The following KCNA3 variants were observed in gnomAD, a reference collection of about 807,000 sequenced individuals.
The protein encoded by KCNA3 is RP11-284N8.3.
In KCNA3, 18 loss-of-function variants were observed where a neutral mutation model predicts 34.3. That is an observed-to-expected ratio of 0.52 (90% CI 0.36 to 0.78). KCNA3 has a LOEUF of 0.78. Among genes scored for constraint, KCNA3 ranks in the 30% least tolerant of loss-of-function variants. The pLI, the probability that KCNA3 is intolerant of heterozygous loss-of-function variation, is 0.00. For missense variants in KCNA3, 587 were observed against 802.5 expected, an observed-to-expected ratio of 0.73 and a Z score of 3.24; for synonymous variants, 324 against 351.7, an observed-to-expected ratio of 0.92 and a Z score of 0.88.
At chr1:110,665,131 G>A in the KCNA3 span, among the ~76,000 whole-genome samples, 1 of 152,202 alleles carries the variant, frequency 6.6e-6, no homozygotes, top group Non-Finnish European at 1.5e-5. Flanking sequence ...GTGAAATGGG[G>A]TGCCAAATGG....
chr1:110,667,485 G>C (rs75210252), downstream of KCNA3, among the ~76,000 whole-genome samples: 528 of 152,248 alleles, frequency 3.5e-3, 1 homozygote, highest in African/African-American at 0.012. Flanking sequence ...TCTTTAGATA[G>C]GATGAAATAT....
the KCNA3 span, among the ~76,000 whole-genome samples, chr1:110,661,166 T>C: frequency 6.6e-6 from 1 of 152,184 alleles, no homozygotes. Context: ...CTCCTGGTTT[T>C]AGCAGGCGCC....
downstream of KCNA3, among the ~76,000 whole-genome samples, chr1:110,668,874 A>G (rs1017636186): frequency 1.3e-5 from 2 of 152,178 alleles, no homozygotes; most frequent in African/African-American, 2.4e-5. Context: ...TCAACAGTGA[A>G]GGTTGTAGTT....
rs1256857793 is a variant in KCNA3, at chr1:110,674,325, T to A, written c.485A>T (p.Tyr162Phe). 1.9e-6 allele frequency: 3 copies of A among 1,613,754 alleles called. No individual in the cohort carries two copies. Among genetic ancestry groups the A allele is most frequent in the East Asian group, 4.5e-5 (2 of 44,868 alleles). Residue 162 changes from tyrosine to phenylalanine, a missense_variant, in exon 1 of 1, where the codon TAC (tyrosine) becomes TTC (phenylalanine). Around this residue, in one of 7 missense-constraint regions of KCNA3, gnomAD observed 341 missense variants for 355.4 expected, o/e 0.96. Transcript: ENST00000369769. This position sits in a 1 kb window ranked among gnomAD's most constrained non-coding sequence, Gnocchi z 6.4. ...GCGGATGCGGCCCCCGGACTGATAGTAGTAGAGGATGGCGTCGAAGCTGGG... is the reference window on the plus strand; with the variant it reads ...GCGGATGCGGCCCCCGGACTGATAGAAGTAGAGGATGGCGTCGAAGCTGGG... ...NRPSFDAILY[Y>F]YQSGGRIRRP...
chr1:110,663,845 A>G, the KCNA3 span, among the ~76,000 whole-genome samples: 5 of 152,210 alleles, frequency 3.3e-5, no homozygotes, highest in African/African-American at 1.2e-4. Flanking sequence ...CTTACTTTTC[A>G]TTAACTGATT....
At chr1:110,672,294 A>T (rs1047636253), downstream of KCNA3, among the ~76,000 whole-genome samples, 15 of 152,196 alleles carry the variant, frequency 9.9e-5, no homozygotes, top group Non-Finnish European at 2.1e-4. Context: ...TCTCAGATGC[A>T]TTAGGAAATT....
the KCNA3 span, among the ~76,000 whole-genome samples, chr1:110,661,176 C>A: frequency 6.6e-6 from 1 of 152,102 alleles, no homozygotes; most frequent in African/African-American, 2.4e-5. Flanking sequence ...TAGCAGGCGC[C>A]CAAAACCAGT....
Position 110,674,596 on chromosome 1 carries a change from C to A in KCNA3, c.214G>T (p.Ala72Ser), listed in dbSNP as rs533343837. Residue 72 changes from alanine (A) to serine (S), a missense_variant, in exon 1 of 1, where the codon GCC (alanine) becomes TCC (serine). Ala to Ser is a moderately conservative substitution (Grantham distance 99). Coordinates refer to ENST00000369769, the MANE Select transcript of KCNA3 (RefSeq NM_002232.5). This position sits in a 1 kb window ranked among gnomAD's most constrained non-coding sequence, Gnocchi z 6.4. The stretch of plus-strand genomic sequence containing the variant: ...CCGCCACAGCCGCCTTGAGGCGGGG[C>A]CCCTCCACCATCGGCCACCTCCGGC... ...LEPEVADGGG[A>S]PPQGGCGGGG... is the part of the protein sequence containing the mutation. 2 of 1,564,814 alleles carry A rather than the reference C, an allele frequency of 1.3e-6. No homozygotes were observed. The highest frequency in any genetic ancestry group is 1.9e-5 in the Admixed American group (1 of 53,874).
Position 110,674,208 on chromosome 1 carries a change from T to C in KCNA3, c.602A>G (p.Glu201Gly). ...EEAMEKFRED[E>G]GFLREEERPL... ...CCGCTCCTCCTCCCGCAGGAAGCCC[T>C]CGTCCTCGCGGAACTTCTCCATGGC... Residue 201 changes from glutamate to glycine, a missense_variant, in exon 1 of 1, where the codon GAG becomes GGG. Transcript: ENST00000369769. The surrounding 1 kb of genome is among the most constrained non-coding windows in gnomAD (Gnocchi z 6.4). The C allele has an allele frequency of 6.2e-7, 1 of 1,613,270 alleles. No individual in the cohort carries two copies. Among genetic ancestry groups the C allele is most frequent in the East Asian group, 2.2e-5 (1 of 44,840 alleles).
chr1:110,657,426 A>G, the KCNA3 span, among the ~76,000 whole-genome samples: 19,028 of 152,176 alleles, frequency 0.13, 1,325 homozygotes, highest in South Asian at 0.17. Context: ...CATTGAATCC[A>G]GCACGCCCAT....
chr1:110,674,381 G>A lies in KCNA3; in HGVS notation c.429C>T (p.Leu143=), dbSNP rs1427244647. 3 of 1,614,188 alleles carry A rather than the reference G, an allele frequency of 1.9e-6. No individual in the cohort carries two copies. Among genetic ancestry groups the A allele is most frequent in the Non-Finnish European group, 1.7e-6 (2 of 1,180,030 alleles). Residue 143 remains leucine (L), a synonymous_variant, in exon 1 of 1, where the codon CTC becomes CTT. Transcript: ENST00000369769. The surrounding 1 kb of genome is among the most constrained non-coding windows in gnomAD (Gnocchi z 6.4). ...TGCGGTCGAAGAAGTACTCGTTGCG[G>A]AGCGGGTCGAAGTACCTCATGCGCC... ...PKRRMRYFDP[L]RNEYFFDRNR... is the part of the protein sequence containing the mutation.
chr1:110,668,736 A>C (rs1330084468), downstream of KCNA3, among the ~76,000 whole-genome samples: 1 of 152,190 alleles, frequency 6.6e-6, no homozygotes, highest in Non-Finnish European at 1.5e-5. Context: ...CATCAGCTGT[A>C]AGGCATATAC....
At chr1:110,663,374 T>C in the KCNA3 span, among the ~76,000 whole-genome samples, 3 of 152,304 alleles carry the variant, frequency 2.0e-5, no homozygotes, top group East Asian at 1.9e-4. Context: ...GAGAAAGAGT[T>C]TCTAATTTCT....
chr1:110,655,993 C>CA, the KCNA3 span: 1 of 152,106 alleles, frequency 6.6e-6, no homozygotes, highest in Non-Finnish European at 1.5e-5. Context: ...AAATGAACTA[C>CA]AATATGGCTG....
the KCNA3 span, among the ~76,000 whole-genome samples, chr1:110,663,697 T>G: frequency 3.7e-4 from 56 of 152,176 alleles, no homozygotes; most frequent in Non-Finnish European, 6.3e-4. Flanking sequence ...CCATACTATA[T>G]GTGTTGGTAT....
the KCNA3 span, among the ~76,000 whole-genome samples, chr1:110,659,732 A>G: frequency 3.9e-4 from 60 of 152,238 alleles, no homozygotes; most frequent in African/African-American, 1.3e-3. Context: ...TGGCATATAT[A>G]CACCATGGAA....
Position 110,674,426 on chromosome 1 carries a change from C to G in KCNA3, c.384G>C (p.Thr128=). The change falls in exon 1 of 1, where the codon ACG becomes ACC. Residue 128 remains threonine (T), a synonymous_variant. Transcript: ENST00000369769. This position sits in a 1 kb window ranked among gnomAD's most constrained non-coding sequence, Gnocchi z 6.4. ...TGCGCCGCTTGGGGTCGCCCAGCAGCGTCTCGGGGAACTGGCAAAGGGTCT... is the reference window on the plus strand; with the variant it reads ...TGCGCCGCTTGGGGTCGCCCAGCAGGGTCTCGGGGAACTGGCAAAGGGTCT... The part of the protein sequence containing the change: ...QLKTLCQFPE[T]LLGDPKRRMR... The G allele has an allele frequency of 6.2e-7, 1 of 1,614,138 alleles. No homozygotes were observed. Among genetic ancestry groups the G allele is most frequent in the Non-Finnish European group, 8.5e-7 (1 of 1,180,002 alleles).
the KCNA3 span, chr1:110,656,322 T>G: frequency 1.1e-4 from 17 of 152,310 alleles, no homozygotes; most frequent in Non-Finnish European, 2.2e-4. Flanking sequence ...AGATTACTTT[T>G]TTTTTTACTT....
the KCNA3 span, among the ~76,000 whole-genome samples, chr1:110,663,955 A>G: frequency 6.6e-6 from 1 of 152,244 alleles, no homozygotes; most frequent in Non-Finnish European, 1.5e-5. Flanking sequence ...TCATAATTTT[A>G]AAATGTAATG....
Sources: gnomAD v4.1 joint callset for allele counts (sites outside exome capture counted in the v4.1 genomes callset) on GRCh38, gnomAD v4.1.1 for gene constraint, gnomAD v4.1.1 regional missense constraint, Gnocchi (gnomAD v3.1) non-coding constraint, MANE v1.5 for transcripts, NCBI Gene and HGNC (gene_info 2026-07-23, HGNC 2026-07-21) for gene names.